Variants in HERC3 observed in about 807,000 individuals in gnomAD.
HERC3 encodes the protein probable E3 ubiquitin-protein ligase HERC3.
A neutral mutation model predicts 129.9 loss-of-function variants in HERC3; 58 were observed. The observed-to-expected ratio is 0.45, with a 90% CI of 0.36 to 0.56. The LOEUF (loss-of-function observed/expected upper bound fraction) is 0.56, where lower values mean the gene tolerates loss of function less well. HERC3 is among the 20% of genes least tolerant of loss of function. The probability of loss-of-function intolerance (pLI) is 0.00; values close to 1 mark genes in which losing one functional copy is unlikely to be tolerated. For missense variants in HERC3, 835 were observed against 1,244.2 expected, an observed-to-expected ratio of 0.67 and a Z score of 4.95; for synonymous variants, 430 against 451.0, an observed-to-expected ratio of 0.95 and a Z score of 0.59.
intron 23 of HERC3, 56 bp from the exon 24 acceptor site, chr4:88,704,042 C>T (rs1735553762): frequency 2.7e-6 from 4 of 1,502,452 alleles, no homozygotes; most frequent in Non-Finnish European, 3.7e-6. Flanking sequence ...AGAAGGGTAA[C>T]TTCATAAGCT....
chr4:88,596,596 G>A (rs1722418772), intron 2 of HERC3, among the ~76,000 whole-genome samples: 1 of 152,198 alleles, frequency 6.6e-6, no homozygotes, highest in African/African-American at 2.4e-5. Flanking sequence ...ACGTTGGCAG[G>A]GTGTTAGTGG....
At chr4:88,565,213 C>A in the HERC3 span, among the ~76,000 whole-genome samples, 1 of 151,954 alleles carries the variant, frequency 6.6e-6, no homozygotes, top group Admixed American at 6.6e-5. Flanking sequence ...TATTCTACAG[C>A]CACTGGATAA....
intron 3 of HERC3, among the ~76,000 whole-genome samples, chr4:88,643,667 T>C (rs1728377651): frequency 6.6e-6 from 1 of 152,156 alleles, no homozygotes; most frequent in Non-Finnish European, 1.5e-5. Context: ...CAAAGGGTAG[T>C]GGAACACTTG....
At chr4:88,675,551 T>TA (rs1732069506) in intron 16 of HERC3, among the ~76,000 whole-genome samples, 1 of 152,144 alleles carries the variant, frequency 6.6e-6, no homozygotes. Context: ...TAATGTTTGT[T>TA]ACGTAACTTA....
At chr4:88,536,138 G>A in the HERC3 span, among the ~76,000 whole-genome samples, 1 of 152,128 alleles carries the variant, frequency 6.6e-6, no homozygotes, top group African/African-American at 2.4e-5. Flanking sequence ...GGCTTATGAG[G>A]CCCTCCAGCA....
intron 10 of HERC3, among the ~76,000 whole-genome samples, chr4:88,659,555 CG>C (rs1560731110): frequency 6.6e-6 from 1 of 152,154 alleles, no homozygotes; most frequent in Non-Finnish European, 1.5e-5. Context: ...TACCATCTGG[CG>C]TGATTTGGAA....
chr4:88,697,334 C>T, intron 23 of HERC3: 11 of 1,607,628 alleles, frequency 6.8e-6, no homozygotes, highest in Non-Finnish European at 9.4e-6. Context: ...TACTCCTCTT[C>T]CTCCTCCTCC....
intron 3 of HERC3, among the ~76,000 whole-genome samples, chr4:88,620,497 A>T (rs1377500031): frequency 1.3e-5 from 2 of 152,126 alleles, no homozygotes; most frequent in Non-Finnish European, 2.9e-5. Flanking sequence ...ATTTTTCAAG[A>T]AAACCCCCAT....
rs1156958743 is a variant in HERC3 at position 88,704,545 on chromosome 4, C to T, written c.2879C>T (p.Pro960Leu). ...AAGGGAGATTACTCGGCCACACATC[C>T]CACTGTAAAACTATTTTGGGAAACA... ...IYKGDYSATH[P>L]TVKLFWETFH... The change falls in exon 25 of 26, where the codon CCC becomes CTC. Residue 960 changes from proline (P) to leucine (L), a missense_variant. Physicochemically the swap from Pro to Leu is moderately conservative, Grantham distance 98. Transcript: ENST00000402738. The T allele has an allele frequency of 6.2e-7, 1 of 1,612,586 alleles. No homozygotes were observed. The highest frequency in any genetic ancestry group is 2.2e-5 in the East Asian group (1 of 44,870).
Position 88,704,295 on chromosome 4 carries a change from ATCCTTTAAC to A in HERC3, c.2841+27_2841+35del, listed in dbSNP as rs746230209. The stretch of plus-strand genomic sequence containing the variant: ...GAACTGGAAGAGGTAAGCACAAAAG[ATCCTTTAAC>A]TCCTTTAACTCCGGCGAAGCAGCAG... On this transcript the variant is annotated intron_variant, in intron 24 of 25. Transcript: ENST00000402738. 1.1e-5 allele frequency: 18 copies of A among 1,613,150 alleles called. No homozygotes were observed. Among genetic ancestry groups the A allele is most frequent in the Middle Eastern group, 1.7e-4 (1 of 6,048 alleles).
Position 88,605,949 on chromosome 4 carries a change from G to A in HERC3, c.126G>A (p.Gly42=). ...SDRSVKEVAC[G]GNHSVFLLED... Reference sequence around the variant, plus strand: ...GAAGTGTCAAGGAAGTGGCCTGTGGGGGAAACCACTCTGTGTTCCTGCTGG... The same window carrying A: ...GAAGTGTCAAGGAAGTGGCCTGTGGAGGAAACCACTCTGTGTTCCTGCTGG... Residue 42 remains glycine (G), a synonymous_variant, in exon 3 of 26, where the codon GGG becomes GGA. Coordinates refer to ENST00000402738, the MANE Select transcript of HERC3 (RefSeq NM_014606.3). The A allele has an allele frequency of 6.2e-7, 1 of 1,614,132 alleles. No individual in the cohort carries two copies. The highest frequency in any genetic ancestry group is 8.5e-7 in the Non-Finnish European group (1 of 1,180,028).
At chr4:88,693,155 T>G in intron 23 of HERC3, 1 of 985,292 alleles carries the variant, frequency 1.0e-6, no homozygotes, top group Non-Finnish European at 1.2e-6. Flanking sequence ...CTGTTGAATA[T>G]TTGGCTTGTT....
At chr4:88,698,728 T>C (rs1734949998) in intron 23 of HERC3, among the ~76,000 whole-genome samples, 1 of 151,346 alleles carries the variant, frequency 6.6e-6, no homozygotes, top group African/African-American at 2.4e-5. Flanking sequence ...TTCACACCTT[T>C]CCACACCACA....
chr4:88,636,454 A>G (rs1188152358), intron 3 of HERC3, among the ~76,000 whole-genome samples: 1 of 152,184 alleles, frequency 6.6e-6, no homozygotes, highest in Non-Finnish European at 1.5e-5. Context: ...AACTATCCTA[A>G]ATATATATGC....
chr4:88,670,066 T>A (rs1279053137), intron 15 of HERC3, 43 bp downstream of exon 15: 1 of 1,604,642 alleles, frequency 6.2e-7, no homozygotes, highest in African/African-American at 1.3e-5. Context: ...GATTAGATGG[T>A]AGGGTAAAAT....
At chr4:88,587,557 C>T (rs1721563811), upstream of HERC3, among the ~76,000 whole-genome samples, 1 of 152,202 alleles carries the variant, frequency 6.6e-6, no homozygotes, top group Non-Finnish European at 1.5e-5. Flanking sequence ...TTTTTATGGC[C>T]AACCTATAAA....
chr4:88,654,794 T>C (rs72882991), intron 7 of HERC3, among the ~76,000 whole-genome samples: 2 of 152,152 alleles, frequency 1.3e-5, no homozygotes, highest in Non-Finnish European at 2.9e-5. Flanking sequence ...AACAGCTTAC[T>C]TACCAAGGAA....
Position 88,662,487 on chromosome 4 carries a change from AATAAAT to A in HERC3, c.1204_1209del (p.Ile402_Asn403del). 2 of 1,613,014 alleles carry A rather than the reference AATAAAT, an allele frequency of 1.2e-6. No individual in the cohort carries two copies. Among genetic ancestry groups the A allele is most frequent in the Non-Finnish European group, 1.7e-6 (2 of 1,179,024 alleles). On this transcript the variant is annotated inframe_deletion, in exon 11 of 26. Coordinates refer to ENST00000402738, the MANE Select transcript of HERC3 (RefSeq NM_014606.3). ...TGAACCAAGCACATTATACCAGTTT[AATAAAT>A]GATGAAACCATAGCAGTTTGGAGAC...
intron 2 of HERC3, among the ~76,000 whole-genome samples, chr4:88,599,595 C>T (rs1400108035): frequency 2.6e-5 from 4 of 152,102 alleles, no homozygotes; most frequent in Non-Finnish European, 5.9e-5. Context: ...AGGACTGACT[C>T]GTGCCAGATA....
Sources: allele counts gnomAD v4.1 joint callset (sites outside exome capture counted in the v4.1 genomes callset), GRCh38; gene constraint gnomAD v4.1.1; transcripts MANE v1.5; gene names NCBI Gene and HGNC (gene_info 2026-07-23, HGNC 2026-07-21).